SEMA3A: variants seen among roughly 807,000 people sequenced by gnomAD.
The protein encoded by SEMA3A is semaphorin-3A.
SEMA3A carries 29 observed loss-of-function variants against 97.9 expected under a neutral mutation model. The ratio of observed to expected loss-of-function variants is 0.30; its 90% CI spans 0.22 to 0.40. The LOEUF (loss-of-function observed/expected upper bound fraction) is 0.40. SEMA3A is among the 10% of genes least tolerant of loss of function. The probability of loss-of-function intolerance (pLI) is 1.00; values close to 1 mark genes in which losing one functional copy is unlikely to be tolerated. For missense variants in SEMA3A, 763 were observed against 951.3 expected, an observed-to-expected ratio of 0.80 and a Z score of 2.60; for synonymous variants, 321 against 323.7, an observed-to-expected ratio of 0.99 and a Z score of 0.09.
At chr7:84,137,865 A>T (rs1041886626) in intron 1 of SEMA3A, among the ~76,000 whole-genome samples, 1 of 152,122 alleles carries the variant, frequency 6.6e-6, no homozygotes, top group African/African-American at 2.4e-5. Flanking sequence ...GAAAATAAAT[A>T]CTATAGCTAC....
intron 1 of SEMA3A, among the ~76,000 whole-genome samples, chr7:84,420,954 T>C (rs959155003): frequency 3.9e-5 from 6 of 152,126 alleles, no homozygotes; most frequent in Non-Finnish European, 7.4e-5. Flanking sequence ...CTAGATTCAT[T>C]GATTTTTTAA....
intron 4 of SEMA3A, among the ~76,000 whole-genome samples, chr7:84,069,401 C>T (rs1024863142): frequency 2.6e-5 from 4 of 152,036 alleles, no homozygotes; most frequent in Non-Finnish European, 1.5e-5. Context: ...TTATTAATTT[C>T]CCTTAACCAT....
In SEMA3A at chr7:84,095,601, T is replaced by C. The variant is rs139502544; in HGVS notation, c.453+14869A>G. Reference sequence around the variant, plus strand: ...GTCAACTAGTCTCCATTCTGTTCACTAAACCTTTATTCTAACAGATGTTGC... The same window carrying C: ...GTCAACTAGTCTCCATTCTGTTCACCAAACCTTTATTCTAACAGATGTTGC... On this transcript the variant is annotated intron_variant, in intron 4 of 16. Transcript: ENST00000265362. 1.8e-3 allele frequency among the ~76,000 whole-genome samples: 271 copies of C among 151,318 alleles called. 1 individual carries two copies. The highest frequency in any genetic ancestry group is 6.4e-3 in the African/African-American group (264 of 41,354).
intron 12 of SEMA3A, among the ~76,000 whole-genome samples, chr7:83,989,189 G>T (rs1205015447): frequency 6.6e-6 from 1 of 151,970 alleles, no homozygotes; most frequent in Non-Finnish European, 1.5e-5. Context: ...CTTAGGCAGA[G>T]AAAGATTAAC....
chr7:83,976,951 T>A lies in SEMA3A; in HGVS notation c.1717+181A>T, dbSNP rs534905744. 2.6e-5 allele frequency among the ~76,000 whole-genome samples: 4 copies of A among 152,294 alleles called. No individual in the cohort carries two copies. In the South Asian group the frequency reaches 8.3e-4, roughly 32 times the overall value. ...CATAATAAAACATAATTTATGATAA[T>A]AAAACATAATTCAGTGCCTTGTGTT... is the stretch of plus-strand genomic sequence containing the variant. On this transcript the variant is annotated intron_variant, in intron 15 of 16. Coordinates refer to ENST00000265362, the MANE Select transcript of SEMA3A (RefSeq NM_006080.3).
At chr7:84,219,608 T>A (rs2116333918) in intron 3 of SEMA3A, among the ~76,000 whole-genome samples, 1 of 152,310 alleles carries the variant, frequency 6.6e-6, no homozygotes, top group South Asian at 2.1e-4. Flanking sequence ...CTATTAAGTT[T>A]GAAAGCATTA....
chr7:84,108,718 G>A (rs528243511), intron 4 of SEMA3A, among the ~76,000 whole-genome samples: 20 of 151,938 alleles, frequency 1.3e-4, no homozygotes, highest in South Asian at 2.1e-4. Context: ...CAGCCTAAGC[G>A]ACATGGTGAA....
intron 3 of SEMA3A, among the ~76,000 whole-genome samples, chr7:84,237,561 A>G (rs1165118235): frequency 6.6e-6 from 1 of 152,118 alleles, no homozygotes; most frequent in Non-Finnish European, 1.5e-5. Context: ...AGTGGTTTAC[A>G]TTATCATCTC....
intron 12 of SEMA3A, among the ~76,000 whole-genome samples, chr7:83,988,860 CTTTTT>C (rs11309468): frequency 7.5e-6 from 1 of 132,742 alleles, no homozygotes; most frequent in Non-Finnish European, 1.6e-5. Flanking sequence ...GGATATTCAG[CTTTTT>C]TTTTTTTTTT....
At chr7:84,048,021 A>G in intron 5 of SEMA3A, among the ~76,000 whole-genome samples, 1 of 152,024 alleles carries the variant, frequency 6.6e-6, no homozygotes, top group East Asian at 1.9e-4. Flanking sequence ...TACTCTAAAC[A>G]TCCATAGATA....
chr7:84,380,508 G>A (rs961655706), intron 1 of SEMA3A, among the ~76,000 whole-genome samples: 2 of 152,102 alleles, frequency 1.3e-5, no homozygotes, highest in Non-Finnish European at 2.9e-5. Context: ...GCACATCTTG[G>A]GTAGGCAGTG....
In SEMA3A at chr7:84,402,220, C is replaced by T. The variant is rs561109404; in HGVS notation, c.-245-30320G>A. Reference sequence around the variant, plus strand: ...GGCCTGGATAGACATTTCTTAAAATCGACACCACGGCTGGGTATATGGAAA... The same window carrying T: ...GGCCTGGATAGACATTTCTTAAAATTGACACCACGGCTGGGTATATGGAAA... On this transcript the variant is annotated intron_variant, in intron 1 of 3. Coordinates refer to the SEMA3A transcript ENST00000424555. Among the ~76,000 whole-genome samples, 10 of 152,198 alleles carry T rather than the reference C, an allele frequency of 6.6e-5. No homozygotes were observed. In the South Asian group the frequency reaches 1.0e-3, roughly 16 times the overall value.
intron 1 of SEMA3A, among the ~76,000 whole-genome samples, chr7:84,453,715 C>A (rs1805620814): frequency 6.6e-6 from 1 of 152,124 alleles, no homozygotes; most frequent in African/African-American, 2.4e-5. Flanking sequence ...TACATTATCT[C>A]AGTAATAAGT....
intron 5 of SEMA3A, among the ~76,000 whole-genome samples, chr7:84,050,807 T>C (rs928809334): frequency 8.5e-5 from 13 of 152,166 alleles, no homozygotes; most frequent in African/African-American, 2.9e-4. Context: ...TGAATGGTAA[T>C]GCCTAGGTTT....
chr7:84,300,048 A>AAAAG lies in SEMA3A; in HGVS notation c.-83+7155_-83+7158dup, dbSNP rs1562892447. ...ACTCAGTCACAAAAAAAAAAAAAAA[A>AAAAG]AAAGAAAGAAAAAGAAACTTAGGAA... On this transcript the variant is annotated intron_variant, in intron 3 of 3. Transcript: ENST00000424555. 2.2e-4 allele frequency among the ~76,000 whole-genome samples: 32 copies of AAAAG among 148,710 alleles called. No individual in the cohort carries two copies. In the East Asian group the frequency reaches 2.6e-3, roughly 12 times the overall value.
chr7:84,263,453 T>C (rs1360765346), intron 3 of SEMA3A, among the ~76,000 whole-genome samples: 1 of 152,234 alleles, frequency 6.6e-6, no homozygotes, highest in African/African-American at 2.4e-5. Context: ...TTGCATTACT[T>C]TTAGTTTCCC....
In SEMA3A at chr7:84,214,832, G is replaced by A. The variant is rs148081846; in HGVS notation, c.-82-20164C>T. Among the ~76,000 whole-genome samples, 1,345 of 151,540 alleles carry A rather than the reference G, an allele frequency of 8.9e-3. 3 individuals are homozygous for A. Among genetic ancestry groups the A allele is most frequent in the Non-Finnish European group, 0.016 (1,054 of 67,900 alleles). On this transcript the variant is annotated intron_variant, in intron 3 of 3. Transcript: ENST00000424555. ...TCCTGCCCCAGCCTCCTGAGTAGCT[G>A]GAATTATAGGCACCTGCTACCACAC...
chr7:84,386,441 A>C (rs1803399343), intron 1 of SEMA3A, among the ~76,000 whole-genome samples: 1 of 152,276 alleles, frequency 6.6e-6, no homozygotes, highest in African/African-American at 2.4e-5. Context: ...TCACTGTTTT[A>C]GGCCTGCAAG....
intron 1 of SEMA3A, among the ~76,000 whole-genome samples, chr7:84,440,333 C>A (rs1429204539): frequency 7.2e-5 from 11 of 152,168 alleles, no homozygotes; most frequent in Admixed American, 7.2e-4. Flanking sequence ...CCATATCAAG[C>A]AGCTGTCCAC....
Sources: gnomAD v4.1 joint callset for allele counts (sites outside exome capture counted in the v4.1 genomes callset) on GRCh38, gnomAD v4.1.1 for gene constraint, MANE v1.5 for transcripts, NCBI Gene and HGNC (gene_info 2026-07-23, HGNC 2026-07-21) for gene names.